Variants in STXBP4 observed in about 807,000 individuals in gnomAD.
The protein encoded by STXBP4 is syntaxin-binding protein 4.
STXBP4 carries 55 observed loss-of-function variants against 76.1 expected under a neutral mutation model. That is an observed-to-expected ratio of 0.72 (90% confidence interval 0.58 to 0.91). The LOEUF is 0.91. Among genes scored for constraint, STXBP4 ranks in the 40% least tolerant of loss-of-function variants. STXBP4 has a pLI of 0.00. For missense variants in STXBP4, 618 were observed against 636.9 expected (o/e 0.97, Z 0.32); for synonymous variants, 201 against 220.2 (o/e 0.91, Z 0.77).
At chr17:55,075,295 A>T (rs2079167917) in intron 13 of STXBP4, among the ~76,000 whole-genome samples, 1 of 152,136 alleles carries the variant, frequency 6.6e-6, no homozygotes, top group African/African-American at 2.4e-5. Context: ...TACTCTATGT[A>T]TCATTCTGAC....
At position 54,968,813 on chromosome 17, in the gene STXBP4, C is replaced by A; in HGVS notation, c.-159C>A. 1 of 698,106 alleles carries A rather than the reference C, an allele frequency of 1.4e-6. No homozygotes were observed. Among genetic ancestry groups the A allele is most frequent in the Non-Finnish European group, 2.4e-6 (1 of 420,126 alleles). The allele number at this position is 698,106 out of a possible 1,614,324, so 43.2% of individuals were successfully genotyped here. ...CTACGGAGGCCGGGTTGCCAGATTA[C>A]GGGTAAGTTTGCGTTTTGCTTTGTG... On this transcript the variant is annotated splice_region_variant and 5_prime_UTR_variant, in exon 1 of 18. Transcript: ENST00000376352.
At chr17:55,194,952 T>G in the STXBP4 span, among the ~76,000 whole-genome samples, 1 of 152,140 alleles carries the variant, frequency 6.6e-6, no homozygotes, top group Non-Finnish European at 1.5e-5. Context: ...AACCTAGACA[T>G]CAAGTACTCA....
intron 17 of STXBP4, among the ~76,000 whole-genome samples, chr17:55,149,038 C>T (rs143960413): frequency 1.1e-3 from 160 of 152,258 alleles, no homozygotes; most frequent in African/African-American, 3.5e-3. Context: ...CTCTCTTTTA[C>T]ATGTATAAGA....
intron 16 of STXBP4, among the ~76,000 whole-genome samples, chr17:55,127,515 AT>A (rs35391155): frequency 1.3e-5 from 2 of 152,170 alleles, no homozygotes; most frequent in African/African-American, 4.8e-5. Context: ...AAATGATTAA[AT>A]TTTTTGAGTG....
At chr17:55,002,369 T>C (rs1273576693) in intron 7 of STXBP4, among the ~76,000 whole-genome samples, 5 of 152,188 alleles carry the variant, frequency 3.3e-5, no homozygotes, top group Non-Finnish European at 5.9e-5. Flanking sequence ...ACAACGGGAA[T>C]TATGAAGAAA....
chr17:55,163,012 G>C lies in STXBP4; in HGVS notation c.*3101G>C, dbSNP rs1187605084. 1 of 152,046 alleles carries C rather than the reference G, an allele frequency of 6.6e-6. No individual in the cohort carries two copies. Among genetic ancestry groups the C allele is most frequent in the Non-Finnish European group, 1.5e-5 (1 of 68,018 alleles). The allele number at this position is 152,046 out of a possible 1,614,324, so 9.4% of individuals were successfully genotyped here. On this transcript the variant is annotated 3_prime_UTR_variant, in exon 18 of 18. Coordinates refer to ENST00000376352, the MANE Select transcript of STXBP4 (RefSeq NM_178509.6). ...TTTCCTCATGTATCTTTGCACTCTT[G>C]TGCTAGTATGTCTATAGTGTGAATA...
At chr17:55,185,189 T>TTTCTTCTTCTTCTTCTTCTTCTTCTTC in the STXBP4 span, among the ~76,000 whole-genome samples, 11 of 87,736 alleles carry the variant, frequency 1.3e-4, no homozygotes, top group South Asian at 9.1e-4. Flanking sequence ...TCTTCTTCTT[T>TTTCTTCTTCTTCTTCTTCTTCTTCTTC]TTCTTCTTCT....
chr17:55,087,285 A>G (rs1397737677), intron 16 of STXBP4, among the ~76,000 whole-genome samples: 1 of 152,018 alleles, frequency 6.6e-6, no homozygotes, highest in African/African-American at 2.4e-5. Context: ...ATATAATCTC[A>G]TTTGTTTATT....
At chr17:55,039,527 G>C (rs527786114) in intron 10 of STXBP4, among the ~76,000 whole-genome samples, 4 of 152,142 alleles carry the variant, frequency 2.6e-5, no homozygotes, top group African/African-American at 9.6e-5. Context: ...TCTAGGAAGG[G>C]AGTGAAAGTG....
At chr17:55,062,099 T>A (rs944370650) in intron 12 of STXBP4, among the ~76,000 whole-genome samples, 43 of 152,106 alleles carry the variant, frequency 2.8e-4, no homozygotes, top group Admixed American at 5.9e-4. Context: ...TTTTTTTTTT[T>A]AAATATATAT....
At chr17:55,015,391 C>T (rs990635387) in intron 8 of STXBP4, among the ~76,000 whole-genome samples, 1 of 152,212 alleles carries the variant, frequency 6.6e-6, no homozygotes, top group African/African-American at 2.4e-5. Context: ...ATTGACCTAA[C>T]TGAAATACCA....
the STXBP4 span, among the ~76,000 whole-genome samples, chr17:55,210,708 A>T: frequency 6.6e-6 from 1 of 152,224 alleles, no homozygotes; most frequent in African/African-American, 2.4e-5. Context: ...ATATTTTTAA[A>T]TAAAGATATA....
At chr17:55,197,593 A>AC in the STXBP4 span, among the ~76,000 whole-genome samples, 5 of 152,102 alleles carry the variant, frequency 3.3e-5, no homozygotes, top group East Asian at 9.7e-4. Context: ...AATCAAAAAA[A>AC]TCAGCCAGGC....
downstream of STXBP4, among the ~76,000 whole-genome samples, chr17:55,178,472 G>C (rs2080438807): frequency 6.6e-6 from 1 of 152,212 alleles, no homozygotes; most frequent in Non-Finnish European, 1.5e-5. Context: ...TCACTCATAA[G>C]ATTGTGAAGG....
At chr17:55,105,035 A>G (rs1018686568) in intron 16 of STXBP4, among the ~76,000 whole-genome samples, 2 of 152,042 alleles carry the variant, frequency 1.3e-5, no homozygotes, top group Non-Finnish European at 2.9e-5. Context: ...TAGTCTGGCT[A>G]GTGGTCTATC....
At chr17:55,031,355 A>G in intron 9 of STXBP4, 91 bp downstream of exon 9, 5 of 1,062,090 alleles carry the variant, frequency 4.7e-6, no homozygotes, top group Non-Finnish European at 7.0e-6. Context: ...TGTTCTTTAG[A>G]AGGAGAGAAT....
intron 16 of STXBP4, among the ~76,000 whole-genome samples, chr17:55,119,499 A>G (rs910872789): frequency 6.6e-6 from 1 of 152,066 alleles, no homozygotes; most frequent in Non-Finnish European, 1.5e-5. Flanking sequence ...CCCATCTGGA[A>G]ATGAGAGCTG....
intron 10 of STXBP4, among the ~76,000 whole-genome samples, chr17:55,041,479 A>G (rs1002133402): frequency 3.3e-5 from 5 of 151,988 alleles, no homozygotes; most frequent in African/African-American, 9.7e-5. Context: ...CGGCCTCCCA[A>G]TGTGCTGGCA....
rs765259392 is a variant in STXBP4, at chr17:55,034,204, A to G, written c.800A>G (p.Gln267Arg). 6.2e-7 allele frequency: 1 copy of G among 1,612,494 alleles called. No homozygotes were observed. The highest frequency in any genetic ancestry group is 8.5e-7 in the Non-Finnish European group (1 of 1,179,022). ...VQVARNLFCL[Q>R]LDEVNVGAHE... ...GTTGCCAGAAACTTGTTTTGCTTGCAGTTGGATGAAGTAAATGTTGGTGCA... is the reference window on the plus strand; with the variant it reads ...GTTGCCAGAAACTTGTTTTGCTTGCGGTTGGATGAAGTAAATGTTGGTGCA... The change falls in exon 10 of 18, where the codon CAG (glutamine) becomes CGG (arginine). Residue 267 changes from glutamine to arginine, a missense_variant. Gln to Arg is a conservative substitution (Grantham distance 43). Coordinates refer to ENST00000376352, the MANE Select transcript of STXBP4 (RefSeq NM_178509.6).
Sources: gnomAD v4.1 joint callset for allele counts (sites outside exome capture counted in the v4.1 genomes callset) on GRCh38, gnomAD v4.1.1 for gene constraint, MANE v1.5 for transcripts, NCBI Gene and HGNC (gene_info 2026-07-23, HGNC 2026-07-21) for gene names.